PDYN: variants seen among roughly 807,000 people sequenced by gnomAD.
PDYN encodes the protein prodynorphin, also known as proenkephalin-B.
A neutral mutation model predicts 11.4 loss-of-function variants in PDYN; 5 were observed. That is an observed-to-expected ratio of 0.44 (90% CI 0.23 to 0.92). The LOEUF (loss-of-function observed/expected upper bound fraction) is 0.92. Among genes scored for constraint, PDYN ranks in the 40% least tolerant of loss-of-function variants. The probability of loss-of-function intolerance (pLI) is 0.24; values close to 1 mark genes in which losing one functional copy is unlikely to be tolerated. For missense variants in PDYN, 337 were observed against 317.3 expected (o/e 1.06, Z -0.47); for synonymous variants, 132 against 129.5 (o/e 1.02, Z -0.13).
chr20:1,992,139 A>T (rs1988477887), intron 2 of PDYN, among the ~76,000 whole-genome samples: 2 of 152,132 alleles, frequency 1.3e-5, no homozygotes, highest in Admixed American at 6.5e-5. Context: ...TAGGAGGTGA[A>T]TATTATTATT....
rs542830808 is a variant in PDYN at position 1,980,389 on chromosome 20, C to T, written c.699G>A (p.Gln233=). The change falls in exon 4 of 4, where the codon CAG becomes CAA. Residue 233 remains glutamine, a synonymous_variant. Transcript: ENST00000217305. ...QKRYGGFLRR[Q]FKVVTRSQED... ...CCTGAGACCGAGTCACCACCTTGAA[C>T]TGGCGCCGGAGAAAACCGCCATAGC... 1 of 1,614,214 alleles carries T rather than the reference C, an allele frequency of 6.2e-7. No individual in the cohort carries two copies. The highest frequency in any genetic ancestry group is 1.3e-5 in the African/African-American group (1 of 75,046).
At chr20:1,988,560 A>C (rs1988295431) in intron 2 of PDYN, among the ~76,000 whole-genome samples, 1 of 152,166 alleles carries the variant, frequency 6.6e-6, no homozygotes, top group Admixed American at 6.5e-5. Context: ...CATCGGGATG[A>C]GAAGTGGGAA....
At chr20:1,984,730 C>T (rs539235071) in intron 2 of PDYN, among the ~76,000 whole-genome samples, 2 of 152,198 alleles carry the variant, frequency 1.3e-5, no homozygotes, top group South Asian at 4.2e-4. Context: ...GAAACCCCAT[C>T]TCCATTAAAA....
chr20:1,979,947 G>T lies in PDYN; in HGVS notation c.*376C>A. On this transcript the variant is annotated 3_prime_UTR_variant, in exon 4 of 4. Transcript: ENST00000217305. ...AGGGGCATGTGATCTGTTAAGTTTG[G>T]ACATCATAGACCTACAGGTACAAAG... The T allele has an allele frequency of 3.0e-6, 1 of 328,568 alleles. No homozygotes were observed. Among genetic ancestry groups the T allele is most frequent in the South Asian group, 3.0e-5 (1 of 33,420 alleles). 20.4% of individuals were successfully genotyped at this position (328,568 alleles called of 1,614,324 possible). A position where few individuals can be genotyped will look rare whatever the true frequency, so the allele number is the denominator to read the frequency against.
At chr20:1,992,845 C>G (rs1464755236) in intron 1 of PDYN, among the ~76,000 whole-genome samples, 6 of 152,092 alleles carry the variant, frequency 3.9e-5, no homozygotes, top group Admixed American at 3.9e-4. Flanking sequence ...TATATTTCAG[C>G]AACCCTTGGA....
intron 2 of PDYN, among the ~76,000 whole-genome samples, chr20:1,991,826 C>T (rs548939678): frequency 1.2e-3 from 179 of 152,042 alleles, no homozygotes; most frequent in African/African-American, 4.2e-3. Context: ...TAGGGAGTAT[C>T]GATCAAAAAG....
At chr20:1,981,001 C>G in intron 3 of PDYN, 43 bp from the exon 4 acceptor site, 1 of 1,609,916 alleles carries the variant, frequency 6.2e-7, no homozygotes, top group Non-Finnish European at 8.5e-7. Flanking sequence ...ATGATCAAAA[C>G]ACATGCACTG....
At chr20:1,984,672 A>G (rs568165972) in intron 2 of PDYN, among the ~76,000 whole-genome samples, 41 of 152,260 alleles carry the variant, frequency 2.7e-4, no homozygotes, top group African/African-American at 9.9e-4. Context: ...GCTGAGGCGG[A>G]CAGATCACTT....
chr20:1,989,530 CT>C (rs1988339768), intron 2 of PDYN, among the ~76,000 whole-genome samples: 1 of 152,170 alleles, frequency 6.6e-6, no homozygotes, highest in African/African-American at 2.4e-5. Context: ...AGGGAATGAT[CT>C]TTTTGACGTC....
At chr20:1,985,262 G>C (rs768198282) in intron 2 of PDYN, among the ~76,000 whole-genome samples, 1 of 152,122 alleles carries the variant, frequency 6.6e-6, no homozygotes, top group African/African-American at 2.4e-5. Context: ...TCCCCCACCA[G>C]AGCATGCCTA....
intron 2 of PDYN, among the ~76,000 whole-genome samples, chr20:1,986,545 C>T (rs952469785): frequency 6.6e-6 from 1 of 152,242 alleles, no homozygotes; most frequent in African/African-American, 2.4e-5. Context: ...ATACCAACAG[C>T]TGACATTTGC....
intron 2 of PDYN, among the ~76,000 whole-genome samples, chr20:1,988,841 G>A (rs1016416673): frequency 6.6e-6 from 1 of 152,204 alleles, no homozygotes; most frequent in Non-Finnish European, 1.5e-5. Context: ...CTAATCACAT[G>A]AGCCAATTCC....
At chr20:1,983,156 C>T (rs1329275515) in intron 2 of PDYN, 53 bp from the exon 3 acceptor site, 2 of 1,496,528 alleles carry the variant, frequency 1.3e-6, no homozygotes, top group African/African-American at 2.8e-5. Flanking sequence ...ACTCTGTAGA[C>T]TGTGTTCTGA....
chr20:1,980,529 A>G lies in PDYN; in HGVS notation c.559T>C (p.Ser187Pro). ...GFLRKYPKRS[S>P]EVAGEGDGDS... is the part of the protein sequence containing the mutation. ...CCGTCCCCCTCCCCAGCCACCTCTG[A>G]GCTCCTCTTGGGGTATTTGCGCAAA... The change falls in exon 4 of 4, where the codon TCA becomes CCA. Residue 187 changes from serine (S) to proline (P), a missense_variant. Transcript: ENST00000217305. 2 of 1,613,198 alleles carry G rather than the reference A, an allele frequency of 1.2e-6. No homozygotes were observed. Among genetic ancestry groups the G allele is most frequent in the Non-Finnish European group, 1.7e-6 (2 of 1,179,624 alleles).
chr20:1,988,537 G>C (rs558491964), intron 2 of PDYN, among the ~76,000 whole-genome samples: 1 of 152,290 alleles, frequency 6.6e-6, no homozygotes, highest in South Asian at 2.1e-4. Context: ...AGGAGGAAAG[G>C]AACTTTGCCG....
chr20:1,979,552 A>G lies in PDYN; in HGVS notation c.*771T>C, dbSNP rs910079. 56,397 of 152,130 alleles carry G rather than the reference A, an allele frequency of 0.37. 11,847 individuals are homozygous for G. Among genetic ancestry groups the G allele is most frequent in the East Asian group, 0.85 (4,372 of 5,168 alleles). 9.4% of individuals were successfully genotyped at this position (152,130 alleles called of 1,614,324 possible). A position where few individuals can be genotyped will look rare whatever the true frequency, so the allele number is the denominator to read the frequency against. On this transcript the variant is annotated 3_prime_UTR_variant, in exon 4 of 4. Coordinates refer to ENST00000217305, the MANE Select transcript of PDYN (RefSeq NM_024411.5). Reference sequence around the variant, plus strand: ...GGCTGCTCTCAATCATTTCCGAAAGAGGTTTTCACTCCCTTCTGTAAGGAG... The same window carrying G: ...GGCTGCTCTCAATCATTTCCGAAAGGGGTTTTCACTCCCTTCTGTAAGGAG...
chr20:1,986,328 T>C (rs748992174), intron 2 of PDYN, among the ~76,000 whole-genome samples: 17 of 152,162 alleles, frequency 1.1e-4, no homozygotes, highest in Non-Finnish European at 2.5e-4. Flanking sequence ...GCCCCTTCAG[T>C]CCTCTCATCT....
chr20:1,980,779 C>T lies in PDYN; in HGVS notation c.309G>A (p.Leu103=). The change falls in exon 4 of 4, where the codon CTG becomes CTA. Residue 103 remains leucine, a synonymous_variant. Transcript: ENST00000217305. ...SELAKLSGSF[L]KELEKSKFLP... ...GAAACTTGCTTTTCTCCAGCTCCTT[C>T]AGGAATGACCCAGAGAGCTTGGCCA... The T allele has an allele frequency of 6.2e-7, 1 of 1,614,162 alleles. No individual in the cohort carries two copies. The highest frequency in any genetic ancestry group is 2.2e-5 in the East Asian group (1 of 44,870).
rs1987654659 is a variant in PDYN, at chr20:1,980,329, A to G, written c.759T>C (p.Asp253=). 1 of 1,614,146 alleles carries G rather than the reference A, an allele frequency of 6.2e-7. No individual in the cohort carries two copies. Among genetic ancestry groups the G allele is most frequent in the African/African-American group, 1.3e-5 (1 of 75,030 alleles). The stretch of plus-strand genomic sequence containing the variant: ...ACTCCATGAAAAGAGGTGCTTATGC[A>G]TCAAAAAGCTCTCCAGAGTAAGCAT... ...DPNAYSGELF[D]A is the part of the protein sequence containing the mutation. The change falls in exon 4 of 4, where the codon GAT becomes GAC. Residue 253 remains aspartate (D), a synonymous_variant. Coordinates refer to ENST00000217305, the MANE Select transcript of PDYN (RefSeq NM_024411.5).
Sources: allele counts gnomAD v4.1 joint callset (sites outside exome capture counted in the v4.1 genomes callset), GRCh38; gene constraint gnomAD v4.1.1; transcripts MANE v1.5; gene names NCBI Gene and HGNC (gene_info 2026-07-23, HGNC 2026-07-21).